Variants in CAB39L observed in about 807,000 individuals in gnomAD.
CAB39L encodes the protein calcium-binding protein 39-like.
A neutral mutation model predicts 39.1 loss-of-function variants in CAB39L; 23 were observed. The ratio of observed to expected loss-of-function variants is 0.59; its 90% CI spans 0.42 to 0.83. The LOEUF is 0.83. CAB39L is among the 40% of genes least tolerant of loss of function. CAB39L has a pLI of 0.00. For missense variants in CAB39L, 366 were observed against 391.9 expected (o/e 0.93, Z 0.56); for synonymous variants, 126 against 137.2 (o/e 0.92, Z 0.57).
At chr13:49,441,221 G>GTGTATATATATATATA (rs1024957572) in intron 1 of CAB39L, among the ~76,000 whole-genome samples, 28 of 121,458 alleles carry the variant, frequency 2.3e-4, no homozygotes, top group African/African-American at 9.5e-4. Context: ...ATGATTTAGT[G>GTGTATATATATATATA]TATATATATA....
In CAB39L at chr13:49,376,983, T is replaced by C. The variant is rs764292251; in HGVS notation, c.260A>G (p.Gln87Arg). The change falls in exon 5 of 11, where the codon CAG (glutamine) becomes CGG (arginine). Residue 87 changes from glutamine to arginine, a missense_variant. Physicochemically the swap from Gln to Arg is conservative, Grantham distance 43. Coordinates refer to ENST00000409308, the MANE Select transcript of CAB39L (RefSeq NM_001079670.3). ...CTGGCTTACCTCAAAGTCTATCAGC[T>C]GCAGGTCAGCTATCAGTGTCACTAG... ...GLLVTLIADL[Q>R]LIDFEGKKDV... 30 of 1,610,316 alleles carry C rather than the reference T, an allele frequency of 1.9e-5. No individual in the cohort carries two copies. The African/African-American group carries it at 3.6e-4, about 19-fold the overall frequency.
intron 3 of CAB39L, among the ~76,000 whole-genome samples, chr13:49,431,711 A>G (rs1017435183): frequency 6.6e-6 from 1 of 152,166 alleles, no homozygotes; most frequent in African/African-American, 2.4e-5. Context: ...TGTCTTAAAA[A>G]AAAATAAAAA....
At chr13:49,434,368 G>A (rs1957374838) in intron 1 of CAB39L, 145 bp from the exon 2 acceptor site, 1 of 350,480 alleles carries the variant, frequency 2.9e-6, no homozygotes, top group South Asian at 2.2e-5. Flanking sequence ...GGGTCTCAAT[G>A]TACAGCTGCA....
At chr13:49,434,270 T>C (rs1422223715) in intron 1 of CAB39L, 47 bp from the exon 2 acceptor site, 1 of 421,126 alleles carries the variant, frequency 2.4e-6, no homozygotes, top group South Asian at 1.7e-5. Flanking sequence ...GTCACATCAA[T>C]CTGGTTTTAA....
intron 5 of CAB39L, among the ~76,000 whole-genome samples, chr13:49,364,525 C>A (rs575300005): frequency 6.6e-6 from 1 of 152,164 alleles, no homozygotes; most frequent in South Asian, 2.1e-4. Flanking sequence ...GATGATAAAA[C>A]CTTATATTTG....
At position 49,403,700 on chromosome 13, in the gene CAB39L, C is replaced by T. The variant is rs112883784; in HGVS notation, c.-31-20759G>A. Among the ~76,000 whole-genome samples, 550 of 152,116 alleles carry T rather than the reference C, an allele frequency of 3.6e-3. 6 individuals are homozygous for T. Among genetic ancestry groups the T allele is most frequent in the African/African-American group, 0.013 (527 of 41,518 alleles). On this transcript the variant is annotated intron_variant, in intron 3 of 10. Coordinates refer to ENST00000409308, the MANE Select transcript of CAB39L (RefSeq NM_001079670.3). ...TACAATTTCTGAGAAAACATTTATT[C>T]TGTTTCATGGAATGAAGTGTTGCCT...
Position 49,310,762 on chromosome 13 carries a change from G to T in CAB39L, c.*52C>A. The T allele has an allele frequency of 6.3e-7, 1 of 1,580,086 alleles. No homozygotes were observed. The highest frequency in any genetic ancestry group is 8.6e-7 in the Non-Finnish European group (1 of 1,158,216). ...TGATGACTTTCTGAAATGACACACT[G>T]TACAAACTGGACAAATGAGACGACT... On this transcript the variant is annotated 3_prime_UTR_variant, in exon 11 of 11. Coordinates refer to ENST00000409308, the MANE Select transcript of CAB39L (RefSeq NM_001079670.3).
At chr13:49,313,847 G>A (rs542363972) in intron 10 of CAB39L, among the ~76,000 whole-genome samples, 2 of 152,250 alleles carry the variant, frequency 1.3e-5, no homozygotes, top group Admixed American at 1.3e-4. Flanking sequence ...CTATGAAAGG[G>A]CTTAGTTATG....
chr13:49,424,268 T>C (rs1331759945), intron 3 of CAB39L, among the ~76,000 whole-genome samples: 3 of 152,220 alleles, frequency 2.0e-5, no homozygotes, highest in African/African-American at 7.2e-5. Flanking sequence ...ACATTGACAG[T>C]ATGTGATGAA....
At chr13:49,397,721 T>G (rs965492856) in intron 3 of CAB39L, among the ~76,000 whole-genome samples, 1 of 152,150 alleles carries the variant, frequency 6.6e-6, no homozygotes, top group Non-Finnish European at 1.5e-5. Flanking sequence ...TATTAATAAT[T>G]GTCAATGATT....
intron 10 of CAB39L, among the ~76,000 whole-genome samples, chr13:49,317,763 G>A (rs1954202606): frequency 6.6e-6 from 1 of 151,952 alleles, no homozygotes; most frequent in Non-Finnish European, 1.5e-5. Context: ...AGAAAAAACA[G>A]GTAAACTGAA....
intron 3 of CAB39L, among the ~76,000 whole-genome samples, chr13:49,389,154 G>A (rs1158770821): frequency 6.6e-6 from 1 of 152,166 alleles, no homozygotes; most frequent in African/African-American, 2.4e-5. Flanking sequence ...ATAAGAAACG[G>A]TGTGGATGAT....
At chr13:49,346,464 G>A (rs1207205416) in intron 7 of CAB39L, among the ~76,000 whole-genome samples, 1 of 151,964 alleles carries the variant, frequency 6.6e-6, no homozygotes, top group Non-Finnish European at 1.5e-5. Flanking sequence ...AATTCAAATA[G>A]TGTACTCTTT....
Position 49,364,094 on chromosome 13 carries a change from TAAAGG to T in CAB39L, c.277-4267_277-4263del, listed in dbSNP as rs554408141. Among the ~76,000 whole-genome samples, 69 of 152,216 alleles carry T rather than the reference TAAAGG, an allele frequency of 4.5e-4. 1 individual carries two copies. Among genetic ancestry groups the T allele is most frequent in the Admixed American group, 3.9e-3 (60 of 15,282 alleles). Reference sequence around the variant, plus strand: ...GACAAAGAAAGTCATTATATAATAATAAAGGAGTCAGTTCAGCAAGAGGATTTAAC... The same window carrying T: ...GACAAAGAAAGTCATTATATAATAATAGTCAGTTCAGCAAGAGGATTTAAC... On this transcript the variant is annotated intron_variant, in intron 5 of 10. Coordinates refer to ENST00000409308, the MANE Select transcript of CAB39L (RefSeq NM_001079670.3).
intron 10 of CAB39L, among the ~76,000 whole-genome samples, chr13:49,313,189 T>C (rs974498525): frequency 6.6e-6 from 1 of 152,104 alleles, no homozygotes; most frequent in Non-Finnish European, 1.5e-5. Flanking sequence ...CTTTAAAAAT[T>C]ACAACTGCTG....
intron 9 of CAB39L, among the ~76,000 whole-genome samples, chr13:49,334,086 T>C (rs1207018861): frequency 6.6e-6 from 1 of 152,208 alleles, no homozygotes; most frequent in Non-Finnish European, 1.5e-5. Context: ...ACCAATTTTC[T>C]GTTTTTAAGT....
At chr13:49,344,744 G>C (rs984043984) in intron 7 of CAB39L, among the ~76,000 whole-genome samples, 3 of 151,980 alleles carry the variant, frequency 2.0e-5, no homozygotes, top group African/African-American at 7.3e-5. Flanking sequence ...GGATGGTCTC[G>C]ATCTCCTGAC....
chr13:49,352,484 C>T (rs947767677), intron 6 of CAB39L, among the ~76,000 whole-genome samples: 1 of 151,806 alleles, frequency 6.6e-6, no homozygotes, highest in Non-Finnish European at 1.5e-5. Flanking sequence ...TGGGGCGTGA[C>T]TGCTCACTCC....
At chr13:49,357,048 C>CAA (rs11447143) in intron 6 of CAB39L, among the ~76,000 whole-genome samples, 105 of 123,094 alleles carry the variant, frequency 8.5e-4, no homozygotes, top group East Asian at 1.6e-3. Context: ...GACTCCATCT[C>CAA]AAAAAAAAAA....
Sources: allele counts gnomAD v4.1 joint callset (sites outside exome capture counted in the v4.1 genomes callset), GRCh38; gene constraint gnomAD v4.1.1; transcripts MANE v1.5; gene names NCBI Gene and HGNC (gene_info 2026-07-23, HGNC 2026-07-21).